The following PTPRG variants were observed in gnomAD, a reference collection of about 807,000 sequenced individuals.
PTPRG encodes receptor-type tyrosine-protein phosphatase gamma.
PTPRG carries 102 observed loss-of-function variants against 165.3 expected under a neutral mutation model. The observed-to-expected ratio is 0.62, with a 90% CI of 0.53 to 0.73. PTPRG has a LOEUF of 0.73. Among genes scored for constraint, PTPRG ranks in the 30% least tolerant of loss-of-function variants. The pLI, the probability that PTPRG is intolerant of heterozygous loss-of-function variation, is 0.00. For missense variants in PTPRG, 1,866 were observed against 1,861.4 expected (o/e 1.00, Z -0.05); for synonymous variants, 675 against 669.5 (o/e 1.01, Z -0.13).
chr3:61,880,610 C>T (rs1311462619), intron 2 of PTPRG, among the ~76,000 whole-genome samples: 3 of 121,332 alleles, frequency 2.5e-5, no homozygotes, highest in East Asian at 2.4e-4. Flanking sequence ...GGTGACAACG[C>T]GAACCCTGTC....
At chr3:61,563,804 C>T (rs1304572077) in intron 1 of PTPRG, among the ~76,000 whole-genome samples, 7 of 78,878 alleles carry the variant, frequency 8.9e-5, no homozygotes, top group Admixed American at 4.2e-4. Flanking sequence ...CCCTCGTCGC[C>T]CTTGGGGATC....
intron 2 of PTPRG, among the ~76,000 whole-genome samples, chr3:61,864,445 C>G (rs552288967): frequency 1.5e-3 from 227 of 152,000 alleles, no homozygotes; most frequent in Non-Finnish European, 2.8e-3. Context: ...TCCCGGGCTT[C>G]TAATTCTCTC....
chr3:62,065,262 T>G (rs902119734), intron 4 of PTPRG, among the ~76,000 whole-genome samples: 5 of 152,198 alleles, frequency 3.3e-5, no homozygotes, highest in African/African-American at 4.8e-5. Flanking sequence ...GTTTACATAT[T>G]TTTTTAGAGG....
intron 2 of PTPRG, among the ~76,000 whole-genome samples, chr3:61,885,119 A>G (rs1559668722): frequency 1.3e-5 from 2 of 152,226 alleles, no homozygotes; most frequent in South Asian, 2.1e-4. Flanking sequence ...TTATGAAAAT[A>G]CAAGTAGATG....
At chr3:61,820,531 C>G (rs893599837) in intron 2 of PTPRG, among the ~76,000 whole-genome samples, 16 of 150,786 alleles carry the variant, frequency 1.1e-4, no homozygotes, top group African/African-American at 3.9e-4. Flanking sequence ...ATGGCCCAGT[C>G]AAGTTGACAC....
chr3:61,873,971 A>G (rs2037655449), intron 2 of PTPRG, among the ~76,000 whole-genome samples: 1 of 152,180 alleles, frequency 6.6e-6, no homozygotes, highest in Non-Finnish European at 1.5e-5. Context: ...TGATTCAAGT[A>G]CTGGACAGTG....
chr3:61,935,163 T>G (rs192159872), intron 2 of PTPRG, among the ~76,000 whole-genome samples: 11 of 152,262 alleles, frequency 7.2e-5, no homozygotes, highest in Non-Finnish European at 1.5e-4. Context: ...ACATTCCCTT[T>G]AACTGTTGTG....
intron 2 of PTPRG, among the ~76,000 whole-genome samples, chr3:61,836,008 C>G (rs1056688701): frequency 2.7e-4 from 41 of 151,548 alleles, no homozygotes; most frequent in Non-Finnish European, 4.9e-4. Flanking sequence ...CCATTGCACT[C>G]CAGCCTGGGC....
chr3:61,969,619 C>T (rs910345523), intron 2 of PTPRG, among the ~76,000 whole-genome samples: 9 of 152,068 alleles, frequency 5.9e-5, no homozygotes, highest in South Asian at 2.1e-4. Flanking sequence ...TTGGAACTGG[C>T]GCCTTTTAGA....
chr3:62,253,319 A>G (rs1423005955), intron 15 of PTPRG, among the ~76,000 whole-genome samples: 2 of 152,166 alleles, frequency 1.3e-5, no homozygotes, highest in African/African-American at 4.8e-5. Context: ...GTTGCCTTCA[A>G]CTTATTACTC....
intron 2 of PTPRG, among the ~76,000 whole-genome samples, chr3:61,914,782 A>T (rs561507617): frequency 6.6e-6 from 1 of 152,358 alleles, no homozygotes; most frequent in East Asian, 1.9e-4. Flanking sequence ...GGAAAGATAC[A>T]CACAAAACAA....
chr3:61,819,446 G>T (rs1272503498), intron 2 of PTPRG, among the ~76,000 whole-genome samples: 1 of 152,142 alleles, frequency 6.6e-6, no homozygotes, highest in Non-Finnish European at 1.5e-5. Flanking sequence ...CAGTGAATTT[G>T]GGGAAGGATA....
At chr3:61,762,695 T>G (rs994958426) in intron 2 of PTPRG, among the ~76,000 whole-genome samples, 1 of 152,134 alleles carries the variant, frequency 6.6e-6, no homozygotes, top group African/African-American at 2.4e-5. Context: ...TCCGGGAGTA[T>G]GAATGAGTAT....
chr3:61,936,594 C>CAAGAG (rs1212053616), intron 2 of PTPRG, among the ~76,000 whole-genome samples: 3 of 152,146 alleles, frequency 2.0e-5, no homozygotes, highest in Non-Finnish European at 4.4e-5. Flanking sequence ...AGGGCCAGAG[C>CAAGAG]AAGAGCTGTG....
At chr3:62,151,670 A>G (rs1359554292) in intron 6 of PTPRG, among the ~76,000 whole-genome samples, 1 of 151,648 alleles carries the variant, frequency 6.6e-6, no homozygotes, top group African/African-American at 2.4e-5. Context: ...GAATGGTGGT[A>G]TAAATAGTTT....
intron 1 of PTPRG, among the ~76,000 whole-genome samples, chr3:61,745,700 C>T (rs1448166917): frequency 6.6e-6 from 1 of 152,164 alleles, no homozygotes; most frequent in Non-Finnish European, 1.5e-5. Context: ...TGCTCAAGTC[C>T]AATTCCTTAT....
intron 1 of PTPRG, among the ~76,000 whole-genome samples, chr3:61,718,594 C>T (rs1456457220): frequency 2.0e-5 from 3 of 152,160 alleles, no homozygotes; most frequent in Admixed American, 2.0e-4. Flanking sequence ...GTCTCTGTTG[C>T]TTTGAAACAA....
chr3:62,097,106 G>A (rs1280889439), intron 5 of PTPRG, among the ~76,000 whole-genome samples: 1 of 152,116 alleles, frequency 6.6e-6, no homozygotes, highest in African/African-American at 2.4e-5. Flanking sequence ...ATTATCACGC[G>A]CTTAAGCAAA....
At chr3:62,279,155 T>C (rs928972449) in intron 26 of PTPRG, among the ~76,000 whole-genome samples, 1 of 152,042 alleles carries the variant, frequency 6.6e-6, no homozygotes, top group African/African-American at 2.4e-5. Flanking sequence ...TTTTTGTTTG[T>C]TGTATTATTA....
Sources: gnomAD v4.1 joint callset for allele counts (sites outside exome capture counted in the v4.1 genomes callset) on GRCh38, gnomAD v4.1.1 for gene constraint, MANE v1.5 for transcripts, NCBI Gene and HGNC (gene_info 2026-07-23, HGNC 2026-07-21) for gene names.